Variants in GARRE1 observed in about 807,000 individuals in gnomAD.
GARRE1 encodes granule associated Rac and RHOG effector 1.
Under a neutral mutation model 103.2 loss-of-function variants are expected in GARRE1, and 49 were observed. That is an observed-to-expected ratio of 0.47 (90% CI 0.38 to 0.60). GARRE1 has a LOEUF of 0.60. GARRE1 is among the 20% of genes least tolerant of loss of function. The pLI is 0.00. For missense variants in GARRE1, 1,199 were observed against 1,370.5 expected, an observed-to-expected ratio of 0.87 and a Z score of 1.98; for synonymous variants, 505 against 532.8, an observed-to-expected ratio of 0.95 and a Z score of 0.72.
intron 11 of GARRE1, 137 bp from the exon 12 acceptor site, chr19:34,348,879 C>A: frequency 1.1e-6 from 1 of 949,492 alleles, no homozygotes; most frequent in African/African-American, 1.6e-5. Context: ...GAAAACCTCA[C>A]GTTTTAAGAA....
At chr19:34,270,859 G>A (rs1425741556) in intron 1 of GARRE1, among the ~76,000 whole-genome samples, 1 of 152,168 alleles carries the variant, frequency 6.6e-6, no homozygotes, top group East Asian at 1.9e-4. Context: ...ACATTTTGGG[G>A]TAGATAATTC....
At chr19:34,268,790 G>A (rs1178853998) in intron 1 of GARRE1, among the ~76,000 whole-genome samples, 6 of 151,964 alleles carry the variant, frequency 3.9e-5, no homozygotes, top group African/African-American at 1.2e-4. Context: ...GTGAGACTCC[G>A]TCTCTTAAAA....
chr19:34,307,062 G>C (rs1335706185), intron 2 of GARRE1, among the ~76,000 whole-genome samples: 2 of 152,290 alleles, frequency 1.3e-5, no homozygotes, highest in African/African-American at 4.8e-5. Context: ...GCAGGAGCCA[G>C]CCTGGAGTGT....
At chr19:34,265,811 G>C (rs983167925) in intron 1 of GARRE1, among the ~76,000 whole-genome samples, 2 of 152,164 alleles carry the variant, frequency 1.3e-5, no homozygotes, top group East Asian at 3.8e-4. Context: ...CAGAGGCTGT[G>C]CTTTATGGAT....
At chr19:34,299,141 G>A (rs1030088483) in intron 1 of GARRE1, among the ~76,000 whole-genome samples, 30 of 152,180 alleles carry the variant, frequency 2.0e-4, no homozygotes, top group South Asian at 2.1e-4. Context: ...TGCCGTGGTG[G>A]TCCTTTACCT....
chr19:34,266,595 C>A (rs1195296781), intron 1 of GARRE1, among the ~76,000 whole-genome samples: 1 of 152,160 alleles, frequency 6.6e-6, no homozygotes, highest in Admixed American at 6.5e-5. Flanking sequence ...CTCTTCACCT[C>A]GGCCTCCCAA....
At chr19:34,305,273 T>C (rs1341077391) in intron 2 of GARRE1, among the ~76,000 whole-genome samples, 1 of 152,234 alleles carries the variant, frequency 6.6e-6, no homozygotes, top group African/African-American at 2.4e-5. Context: ...TGCATGGATA[T>C]GTACAGATGT....
intron 1 of GARRE1, among the ~76,000 whole-genome samples, chr19:34,289,401 C>A (rs559049324): frequency 9.2e-5 from 14 of 151,980 alleles, no homozygotes; most frequent in African/African-American, 3.4e-4. Flanking sequence ...AGGATCTCAC[C>A]TCTGCACTCC....
intron 1 of GARRE1, among the ~76,000 whole-genome samples, chr19:34,285,931 G>A (rs1360791042): frequency 6.6e-6 from 1 of 152,142 alleles, no homozygotes; most frequent in African/African-American, 2.4e-5. Context: ...CTCTGCTTGG[G>A]TAGGAACCCC....
intron 1 of GARRE1, among the ~76,000 whole-genome samples, chr19:34,288,946 A>T (rs1220350472): frequency 1.3e-5 from 2 of 151,904 alleles, no homozygotes; most frequent in Non-Finnish European, 1.5e-5. Context: ...AGCCTAGCCA[A>T]CATGGTGAAA....
At chr19:34,258,789 C>A (rs1456068489) in intron 1 of GARRE1, among the ~76,000 whole-genome samples, 9 of 144,328 alleles carry the variant, frequency 6.2e-5, no homozygotes, top group Non-Finnish European at 7.5e-5. Flanking sequence ...GACTCCGTCT[C>A]AAAAAAAAAA....
intron 3 of GARRE1, among the ~76,000 whole-genome samples, chr19:34,323,901 C>G (rs1304170974): frequency 6.6e-6 from 1 of 152,202 alleles, no homozygotes; most frequent in East Asian, 1.9e-4. Context: ...TTGCTTTCAG[C>G]CAGTGATGCC....
intron 3 of GARRE1, among the ~76,000 whole-genome samples, chr19:34,321,505 A>G (rs967890999): frequency 6.6e-6 from 1 of 151,098 alleles, no homozygotes; most frequent in Non-Finnish European, 1.5e-5. Context: ...CCCAGGCTGG[A>G]GTGCAGTGGC....
At chr19:34,346,912 C>A (rs990994684) in intron 10 of GARRE1, among the ~76,000 whole-genome samples, 1 of 151,828 alleles carries the variant, frequency 6.6e-6, no homozygotes, top group South Asian at 2.1e-4. Flanking sequence ...GCCACCAAGC[C>A]CAGCCCAGTT....
At chr19:34,302,274 G>A (rs2073983851) in intron 2 of GARRE1, among the ~76,000 whole-genome samples, 1 of 147,246 alleles carries the variant, frequency 6.8e-6, no homozygotes, top group Non-Finnish European at 1.5e-5. Flanking sequence ...TTACAGGCAG[G>A]AGCCACCGCG....
chr19:34,311,952 AT>A (rs533895664), intron 2 of GARRE1, among the ~76,000 whole-genome samples: 10 of 150,864 alleles, frequency 6.6e-5, no homozygotes, highest in South Asian at 2.1e-4. Flanking sequence ...TTTGGGTTTG[AT>A]TTTTTTTTAA....
intron 2 of GARRE1, among the ~76,000 whole-genome samples, chr19:34,310,101 G>C (rs1202186926): frequency 6.6e-6 from 1 of 152,176 alleles, no homozygotes; most frequent in African/African-American, 2.4e-5. Context: ...TGCTGAAAAG[G>C]CTTGCGTGAT....
At position 34,353,270 on chromosome 19, in the gene GARRE1, A is replaced by G. The variant is rs369682091; in HGVS notation, c.*315A>G. 8 of 393,942 alleles carry G rather than the reference A, an allele frequency of 2.0e-5. No individual in the cohort carries two copies. Among genetic ancestry groups the G allele is most frequent in the Non-Finnish European group, 9.1e-6 (2 of 219,754 alleles). The allele number at this position is 393,942 out of a possible 1,614,324, so 24.4% of individuals were successfully genotyped here. A position where few individuals can be genotyped will look rare whatever the true frequency, so the allele number is the denominator to read the frequency against. On this transcript the variant is annotated 3_prime_UTR_variant, in exon 14 of 14. Coordinates refer to ENST00000299505, the MANE Select transcript of GARRE1 (RefSeq NM_014686.5). ...GATGCAGGCGCCACAGCCACACTTGAAGAAACACAGCTCTTGGGTTTTTAG... is the reference window on the plus strand; with the variant it reads ...GATGCAGGCGCCACAGCCACACTTGGAGAAACACAGCTCTTGGGTTTTTAG...
At chr19:34,309,168 G>GC (rs1415019982) in intron 2 of GARRE1, among the ~76,000 whole-genome samples, 1 of 151,928 alleles carries the variant, frequency 6.6e-6, no homozygotes, top group Non-Finnish European at 1.5e-5. Flanking sequence ...CGCAAGTTAT[G>GC]CAATACCACG....
Sources: allele counts gnomAD v4.1 joint callset (sites outside exome capture counted in the v4.1 genomes callset), GRCh38; gene constraint gnomAD v4.1.1; transcripts MANE v1.5; gene names NCBI Gene and HGNC (gene_info 2026-07-23, HGNC 2026-07-21).